MAP4: variants seen among roughly 807,000 people sequenced by gnomAD.
MAP4 encodes the protein microtubule-associated protein 4.
In MAP4, 76 loss-of-function variants were observed where a neutral mutation model predicts 170.2. The observed-to-expected ratio is 0.45, with a 90% CI of 0.37 to 0.54. MAP4 has a LOEUF of 0.54. Ranked by LOEUF, MAP4 falls within the 20% of genes least tolerant of loss-of-function variation. The pLI, the probability that MAP4 is intolerant of heterozygous loss-of-function variation, is 0.00. For synonymous variants in MAP4, 909 were observed against 994.5 expected, an observed-to-expected ratio of 0.91 and a Z score of 1.62; for missense variants, 2,506 against 2,748.0, an observed-to-expected ratio of 0.91 and a Z score of 1.97.
At chr3:47,861,598 G>A (rs2066086791) in intron 17 of MAP4, among the ~76,000 whole-genome samples, 1 of 151,602 alleles carries the variant, frequency 6.6e-6, no homozygotes, top group South Asian at 2.1e-4. Context: ...TGACCCACCT[G>A]CCTCAGCCTC....
intron 9 of MAP4, among the ~76,000 whole-genome samples, chr3:47,903,564 A>G (rs973998459): frequency 5.9e-5 from 9 of 152,108 alleles, no homozygotes; most frequent in Non-Finnish European, 1.5e-5. Context: ...CCTTTTCTGA[A>G]AAGTTGAGCT....
At chr3:47,918,051 C>G (rs759896587) in intron 6 of MAP4, among the ~76,000 whole-genome samples, 1 of 152,034 alleles carries the variant, frequency 6.6e-6, no homozygotes, top group Non-Finnish European at 1.5e-5. Flanking sequence ...GGCGCAATCT[C>G]GGCTGACAGC....
intron 8 of MAP4, among the ~76,000 whole-genome samples, chr3:47,913,612 T>C (rs1454003056): frequency 6.6e-6 from 1 of 152,206 alleles, no homozygotes; most frequent in African/African-American, 2.4e-5. Context: ...GACTTAAATA[T>C]CTATATGCCT....
rs570018586 is a variant in MAP4, at chr3:48,037,317, C to A, written c.-19-38438G>T. On this transcript the variant is annotated intron_variant, in intron 1 of 18. Coordinates refer to the MAP4 transcript ENST00000360240. ...ATACTAAATCAAAAATGATTTATAT[C>A]AATTATTGTCCATCTTCAATACTAA... 1.3e-3 allele frequency among the ~76,000 whole-genome samples: 201 copies of A among 152,230 alleles called. 1 individual carries two copies. The highest frequency in any genetic ancestry group is 4.6e-3 in the African/African-American group (190 of 41,534).
intron 2 of MAP4, among the ~76,000 whole-genome samples, chr3:47,991,537 C>T (rs2100092219): frequency 6.6e-6 from 1 of 152,150 alleles, no homozygotes; most frequent in South Asian, 2.1e-4. Context: ...GCACGCGCAC[C>T]TGTAGTCCAA....
chr3:47,929,982 T>G (rs908995576), intron 3 of MAP4, among the ~76,000 whole-genome samples: 1 of 151,748 alleles, frequency 6.6e-6, no homozygotes, highest in African/African-American at 2.4e-5. Flanking sequence ...ATACAAAAAT[T>G]AGCTGGGCCT....
At chr3:48,050,185 G>A (rs547445848) in intron 1 of MAP4, among the ~76,000 whole-genome samples, 4 of 150,704 alleles carry the variant, frequency 2.7e-5, no homozygotes, top group Admixed American at 1.3e-4. Context: ...GCTTGAACCC[G>A]GGAGCCAGAG....
At chr3:48,002,493 T>TTGTC (rs1442345221) in intron 1 of MAP4, among the ~76,000 whole-genome samples, 2 of 151,692 alleles carry the variant, frequency 1.3e-5, no homozygotes, top group African/African-American at 4.8e-5. Context: ...ACCCGGGAGT[T>TTGTC]TAAGACTGCA....
intron 4 of MAP4, among the ~76,000 whole-genome samples, chr3:47,925,108 C>G (rs2100045071): frequency 6.6e-6 from 1 of 152,314 alleles, no homozygotes; most frequent in South Asian, 2.1e-4. Context: ...CCGTGCCCGG[C>G]TGAAGCTATG....
chr3:47,933,715 C>T (rs549870003), intron 3 of MAP4, among the ~76,000 whole-genome samples: 2 of 152,148 alleles, frequency 1.3e-5, no homozygotes, highest in African/African-American at 4.8e-5. Context: ...ATTCTCCTGC[C>T]TCAGCCTCCC....
At chr3:48,082,194 C>T (rs1218330778) in intron 1 of MAP4, among the ~76,000 whole-genome samples, 1 of 152,100 alleles carries the variant, frequency 6.6e-6, no homozygotes, top group Admixed American at 6.6e-5. Flanking sequence ...AAATAGAAAA[C>T]CAACAGAATA....
In MAP4 at chr3:47,852,580, A is replaced by C; in HGVS notation, c.*354T>G. 3 of 615,366 alleles carry C rather than the reference A, an allele frequency of 4.9e-6. No individual in the cohort carries two copies. The highest frequency in any genetic ancestry group is 5.4e-6 in the Non-Finnish European group (2 of 367,486). 38.1% of individuals were successfully genotyped at this position (615,366 alleles called of 1,614,324 possible). A position where few individuals can be genotyped will look rare whatever the true frequency, so the allele number is the denominator to read the frequency against. On this transcript the variant is annotated 3_prime_UTR_variant, in exon 21 of 21. Transcript: ENST00000683076. ...ATAGAATCTGGTTCTCCTCTCCTAG[A>C]TCCCAACTTAGCCTCAACCACCCCA...
At chr3:48,028,771 CAA>C (rs35837534) in intron 1 of MAP4, among the ~76,000 whole-genome samples, 59 of 142,092 alleles carry the variant, frequency 4.2e-4, no homozygotes, top group Non-Finnish European at 4.4e-4. Context: ...GACTCCTTCT[CAA>C]AAAAAAAAAA....
chr3:48,052,498 T>C (rs1559861711), intron 1 of MAP4, among the ~76,000 whole-genome samples: 1 of 152,142 alleles, frequency 6.6e-6, no homozygotes, highest in Non-Finnish European at 1.5e-5. Context: ...CTGGGATTAC[T>C]GGTGTGAGCC....
At chr3:47,934,692 T>C (rs2100051738) in intron 3 of MAP4, among the ~76,000 whole-genome samples, 1 of 152,196 alleles carries the variant, frequency 6.6e-6, no homozygotes, top group African/African-American at 2.4e-5. Flanking sequence ...CCCTCAGCTC[T>C]TTCCTTGTTT....
chr3:48,002,267 A>T (rs1237575299), intron 1 of MAP4, among the ~76,000 whole-genome samples: 1 of 151,562 alleles, frequency 6.6e-6, no homozygotes, highest in Non-Finnish European at 1.5e-5. Flanking sequence ...AGAAAAAAAA[A>T]ATCACACTCT....
intron 3 of MAP4, among the ~76,000 whole-genome samples, chr3:47,975,914 C>G (rs1409663756): frequency 2.6e-5 from 4 of 151,994 alleles, no homozygotes; most frequent in Non-Finnish European, 5.9e-5. Context: ...CTCAGCCTCC[C>G]AAGTAGCTGG....
chr3:48,045,923 T>C (rs2100124310), intron 1 of MAP4, among the ~76,000 whole-genome samples: 1 of 152,128 alleles, frequency 6.6e-6, no homozygotes, highest in African/African-American at 2.4e-5. Context: ...TTATGTTTCA[T>C]ATTTCAATAT....
At chr3:47,954,095 G>A (rs1253686978) in intron 3 of MAP4, among the ~76,000 whole-genome samples, 3 of 152,022 alleles carry the variant, frequency 2.0e-5, no homozygotes, top group African/African-American at 4.8e-5. Context: ...GAAAAGCTCT[G>A]TGGTTGCTCC....
Sources: allele counts gnomAD v4.1 joint callset (sites outside exome capture counted in the v4.1 genomes callset), GRCh38; gene constraint gnomAD v4.1.1; transcripts MANE v1.5; gene names NCBI Gene and HGNC (gene_info 2026-07-23, HGNC 2026-07-21).